Variants in TTC6 observed in about 807,000 individuals in gnomAD.
TTC6 encodes tetratricopeptide repeat protein 6.
In TTC6, 172 loss-of-function variants were observed where a neutral mutation model predicts 210.4. That is an observed-to-expected ratio of 0.82 (90% CI 0.72 to 0.93). TTC6 has a LOEUF of 0.93. TTC6 is among the 40% of genes least tolerant of loss of function. TTC6 has a pLI of 0.00. For synonymous variants in TTC6, 804 were observed against 819.6 expected (o/e 0.98, Z 0.32); for missense variants, 2,414 against 2,318.1 (o/e 1.04, Z -0.85).
chr14:37,712,532 T>G (rs2095846231), intron 5 of TTC6, among the ~76,000 whole-genome samples: 1 of 152,140 alleles, frequency 6.6e-6, no homozygotes, highest in Admixed American at 6.6e-5. Context: ...GACTGGGTAA[T>G]TTATAAAAGA....
Position 37,748,925 on chromosome 14 carries a change from CT to C in TTC6, c.2364-10del. On this transcript the variant is annotated splice_polypyrimidine_tract_variant and intron_variant, in intron 10 of 30. Coordinates refer to ENST00000553443, the Ensembl canonical transcript of TTC6. ...ATTTCTGTAATTTAAAAAAATCACT[CT>C]TTTAAAAACTAGATCAGCATCTCAT... is the stretch of plus-strand genomic sequence containing the variant. The C allele has an allele frequency of 7.0e-7, 1 of 1,430,188 alleles. No individual in the cohort carries two copies. Among genetic ancestry groups the C allele is most frequent in the Non-Finnish European group, 9.1e-7 (1 of 1,097,338 alleles). The allele number at this position is 1,430,188 out of a possible 1,614,324, so 88.6% of individuals were successfully genotyped here.
At chr14:37,732,884 C>T (rs2095891653) in intron 7 of TTC6, among the ~76,000 whole-genome samples, 1 of 151,912 alleles carries the variant, frequency 6.6e-6, no homozygotes, top group Non-Finnish European at 1.5e-5. Flanking sequence ...GGACTTAAAG[C>T]GTGAGCCACC....
intron 1 of TTC6, among the ~76,000 whole-genome samples, chr14:37,629,420 T>C (rs983287605): frequency 6.6e-6 from 1 of 152,116 alleles, no homozygotes; most frequent in African/African-American, 2.4e-5. Context: ...CTATTATTGG[T>C]GTATAGGAAT....
intron 1 of TTC6, among the ~76,000 whole-genome samples, chr14:37,602,776 A>G (rs1429933500): frequency 6.6e-6 from 1 of 152,148 alleles, no homozygotes; most frequent in Non-Finnish European, 1.5e-5. Context: ...AACTTGGATC[A>G]AGCCTCACCC....
intron 14 of TTC6, among the ~76,000 whole-genome samples, chr14:37,769,854 G>A (rs1228959068): frequency 6.6e-6 from 1 of 151,954 alleles, no homozygotes; most frequent in Admixed American, 6.6e-5. Flanking sequence ...GCTTTTGAAT[G>A]TGTTTGCTCT....
At chr14:37,608,916 G>T (rs1449333639) in intron 2 of TTC6, among the ~76,000 whole-genome samples, 2 of 152,148 alleles carry the variant, frequency 1.3e-5, no homozygotes, top group Non-Finnish European at 2.9e-5. Flanking sequence ...AGTGGCAAAA[G>T]CTAGAGGAAA....
intron 24 of TTC6, 107 bp from the exon 27 acceptor site, chr14:37,812,207 T>G: frequency 8.6e-7 from 1 of 1,164,494 alleles, no homozygotes; most frequent in Non-Finnish European, 1.2e-6. Context: ...TAAAACAAAT[T>G]GAAGAACTAA....
chr14:37,744,637 GA>G (rs1566926194), intron 10 of TTC6, among the ~76,000 whole-genome samples: 1 of 152,198 alleles, frequency 6.6e-6, no homozygotes, highest in African/African-American at 2.4e-5. Flanking sequence ...TTGCAGGCCA[GA>G]GTAAATTTGA....
chr14:37,732,046 G>C lies in TTC6; in HGVS notation c.1819-3875G>C, dbSNP rs138359879. ...TGGGGGTGCCAATCCCTGCACAGTT[G>C]AAAATTCATGTGTAGCTTTCAACTT... On this transcript the variant is annotated intron_variant, in intron 7 of 30. Coordinates refer to ENST00000553443, the Ensembl canonical transcript of TTC6. Among the ~76,000 whole-genome samples the C allele has an allele frequency of 2.6e-4, 40 of 152,044 alleles. 2 individuals carry two copies. In the East Asian group the frequency reaches 7.2e-3, roughly 27 times the overall value.
chr14:37,725,043 A>G (rs2095868941), intron 7 of TTC6, 41 bp downstream of exon 9: 1 of 1,090,656 alleles, frequency 9.2e-7, no homozygotes, highest in African/African-American at 1.6e-5. Flanking sequence ...TGTTGTTGTT[A>G]TTATTTAATA....
chr14:37,715,352 A>C (rs978478860), intron 6 of TTC6, among the ~76,000 whole-genome samples: 1 of 152,172 alleles, frequency 6.6e-6, no homozygotes, highest in Non-Finnish European at 1.5e-5. Flanking sequence ...AAAAGTTACC[A>C]GTTTGGCAAA....
intron 6 of TTC6, among the ~76,000 whole-genome samples, 152 bp downstream of exon 8, chr14:37,714,948 C>T (rs186066319): frequency 1.2e-4 from 19 of 152,186 alleles, no homozygotes; most frequent in Middle Eastern, 6.8e-3. Context: ...GAGGACATGG[C>T]GAGAGGATTG....
At chr14:37,808,695 G>T in intron 23 of TTC6, 38 bp from the exon 26 acceptor site, 2 of 1,041,152 alleles carry the variant, frequency 1.9e-6, no homozygotes, top group South Asian at 3.2e-5. Flanking sequence ...AGTCCATTAT[G>T]ATTTTCCTTT....
intron 1 of TTC6, among the ~76,000 whole-genome samples, 186 bp from the exon 4 acceptor site, chr14:37,679,965 C>T (rs781079096): frequency 6.6e-5 from 10 of 152,106 alleles, no homozygotes; most frequent in Non-Finnish European, 1.3e-4. Flanking sequence ...GCCGGGATTA[C>T]AGGCATGAGC....
intron 27 of TTC6, 79 bp downstream of exon 29, chr14:37,824,036 G>A: frequency 6.3e-6 from 8 of 1,264,628 alleles, no homozygotes; most frequent in Non-Finnish European, 9.0e-6. Flanking sequence ...GGCAATGGGA[G>A]TATATGTTAT....
intron 14 of TTC6, among the ~76,000 whole-genome samples, chr14:37,773,830 G>A (rs1275235529): frequency 6.6e-6 from 1 of 152,128 alleles, no homozygotes; most frequent in Non-Finnish European, 1.5e-5. Context: ...ATTATTGAAT[G>A]TGTAAATTGC....
rs751845386 is a variant in TTC6 at position 37,842,297 on chromosome 14, T to C, written c.*6T>C. The C allele has an allele frequency of 3.1e-6, 5 of 1,591,500 alleles. No individual in the cohort carries two copies. The African/African-American group carries it at 6.8e-5, about 22-fold the overall frequency. On this transcript the variant is annotated 3_prime_UTR_variant, in exon 31 of 31. Transcript: ENST00000553443. ...ACTATGCCTCAGTTATATGATTACATAGACTGTGGTTGCTATAGTAGTTTA... is the reference window on the plus strand; with the variant it reads ...ACTATGCCTCAGTTATATGATTACACAGACTGTGGTTGCTATAGTAGTTTA...
intron 10 of TTC6, among the ~76,000 whole-genome samples, chr14:37,742,292 A>G (rs773109062): frequency 1.3e-5 from 2 of 152,096 alleles, no homozygotes; most frequent in Admixed American, 6.5e-5. Context: ...TTCTTGGCTC[A>G]TCTTGTGCTG....
intron 29 of TTC6, among the ~76,000 whole-genome samples, chr14:37,838,838 G>A (rs1230319069): frequency 2.0e-5 from 3 of 152,120 alleles, no homozygotes; most frequent in Non-Finnish European, 2.9e-5. Flanking sequence ...GGTGTGTGAT[G>A]TTCCCCTCCC....
Sources: gnomAD v4.1 joint callset for allele counts (sites outside exome capture counted in the v4.1 genomes callset) on GRCh38, gnomAD v4.1.1 for gene constraint, MANE v1.5 for transcripts, NCBI Gene and HGNC (gene_info 2026-07-23, HGNC 2026-07-21) for gene names.